The following COL6A5 variants were observed in gnomAD, a reference collection of about 807,000 sequenced individuals.
COL6A5 encodes collagen type VI alpha 5 chain.
Under a neutral mutation model 65.6 loss-of-function variants are expected in COL6A5, and 48 were observed. That is an observed-to-expected ratio of 0.73 (90% CI 0.58 to 0.93). The LOEUF is 0.93. Ranked by LOEUF, COL6A5 falls within the 40% of genes least tolerant of loss-of-function variation. The probability of loss-of-function intolerance (pLI) is 0.00; values close to 1 mark genes in which losing one functional copy is unlikely to be tolerated. For missense variants in COL6A5, 914 were observed against 928.3 expected (o/e 0.98, Z 0.20); for synonymous variants, 291 against 322.8 (o/e 0.90, Z 1.05).
chr3:130,402,538 G>A (rs1347502794), intron 12 of COL6A5, among the ~76,000 whole-genome samples: 8 of 152,168 alleles, frequency 5.3e-5, no homozygotes, highest in Admixed American at 5.2e-4. Flanking sequence ...AATGCATGTG[G>A]TAAAATTCCA....
chr3:130,448,354 G>C (rs564071906), intron 4 of COL6A5, among the ~76,000 whole-genome samples: 2 of 152,258 alleles, frequency 1.3e-5, no homozygotes, highest in African/African-American at 4.8e-5. Flanking sequence ...CTGGGGCTGC[G>C]GAGGTCGGAA....
chr3:130,409,452 C>A, intron 18 of COL6A5, 64 bp downstream of exon 18: 1 of 1,373,354 alleles, frequency 7.3e-7, no homozygotes, highest in Non-Finnish European at 9.9e-7. Flanking sequence ...TATCTCCTTT[C>A]CCTTTGTGTT....
rs538607442 is a variant in COL6A5 at position 130,447,211 on chromosome 3, C to G, written c.1332+3645C>G. Among the ~76,000 whole-genome samples, 5 of 152,196 alleles carry G rather than the reference C, an allele frequency of 3.3e-5. 1 individual carries two copies. In the East Asian group the frequency reaches 9.7e-4, roughly 29 times the overall value. ...TTTTTTAACATGGGTCATGCCTTCC[C>G]CTGTTTGGCAAGTAGCCCAGATAAA... On this transcript the variant is annotated intron_variant, in intron 4 of 7. Transcript: ENST00000512836.
At chr3:130,397,020 A>G (rs1475560680) in intron 8 of COL6A5, among the ~76,000 whole-genome samples, 2 of 151,724 alleles carry the variant, frequency 1.3e-5, no homozygotes, top group African/African-American at 2.4e-5. Flanking sequence ...CCGCCACCAC[A>G]CCTGGCTAAT....
At chr3:130,464,819 T>G (rs900957321) in intron 5 of COL6A5, among the ~76,000 whole-genome samples, 2 of 152,062 alleles carry the variant, frequency 1.3e-5, no homozygotes, top group Admixed American at 1.3e-4. Context: ...GCTTGTGTGA[T>G]GCAAAATCCT....
At chr3:130,444,519 A>C (rs1189828337) in intron 4 of COL6A5, among the ~76,000 whole-genome samples, 2 of 152,178 alleles carry the variant, frequency 1.3e-5, no homozygotes, top group Admixed American at 6.6e-5. Context: ...CCATGGCTTC[A>C]GCCGGTCCCT....
At chr3:130,357,072 A>C (rs1225229054) in intron 1 of COL6A5, among the ~76,000 whole-genome samples, 3 of 152,208 alleles carry the variant, frequency 2.0e-5, no homozygotes, top group Non-Finnish European at 4.4e-5. Context: ...CACAGTAAAC[A>C]GTATAATTTA....
chr3:130,401,056 C>T lies in COL6A5; in HGVS notation c.4017C>T (p.Ser1339=), dbSNP rs1212037911. The T allele has an allele frequency of 2.6e-6, 4 of 1,550,228 alleles. No homozygotes were observed. In the African/African-American group the frequency reaches 5.5e-5, roughly 21 times the overall value. ...GACTTGATGCTCTGCTGGTAGTGTCCCTTAACACAACTGCTCATCATGAGT... is the reference window on the plus strand; with the variant it reads ...GACTTGATGCTCTGCTGGTAGTGTCTCTTAACACAACTGCTCATCATGAGT... Residue 1339 remains serine, a synonymous_variant and NMD_transcript_variant, in exon 11 of 42, where the codon TCC becomes TCT. Coordinates refer to the COL6A5 transcript ENST00000312481.
chr3:130,404,325 C>G (rs1170329869), intron 13 of COL6A5, among the ~76,000 whole-genome samples: 1 of 152,196 alleles, frequency 6.6e-6, no homozygotes, highest in Non-Finnish European at 1.5e-5. Context: ...AGCATCCAGA[C>G]TGGATTTCTA....
chr3:130,359,151 A>G (rs769359637), intron 1 of COL6A5, among the ~76,000 whole-genome samples: 2 of 152,184 alleles, frequency 1.3e-5, no homozygotes, highest in African/African-American at 2.4e-5. Context: ...TTGACAGTTA[A>G]TATGATTATT....
At chr3:130,386,077 C>T (rs1297650895) in intron 5 of COL6A5, among the ~76,000 whole-genome samples, 1 of 151,954 alleles carries the variant, frequency 6.6e-6, no homozygotes, top group Non-Finnish European at 1.5e-5. Flanking sequence ...TGGCCACTTA[C>T]ACCACTTACT....
chr3:130,457,712 G>C (rs1203276318), intron 5 of COL6A5, among the ~76,000 whole-genome samples: 1 of 152,108 alleles, frequency 6.6e-6, no homozygotes, highest in Non-Finnish European at 1.5e-5. Context: ...CAGATCATAA[G>C]TGTTTTCTAG....
At chr3:130,415,751 A>G in intron 23 of COL6A5, 44 bp downstream of exon 23, 2 of 1,438,180 alleles carry the variant, frequency 1.4e-6, no homozygotes, top group Non-Finnish European at 1.9e-6. Flanking sequence ...CTCAACAGTT[A>G]TTTTCCTCTT....
At chr3:130,383,550 T>C (rs1038130578) in intron 4 of COL6A5, among the ~76,000 whole-genome samples, 2 of 152,080 alleles carry the variant, frequency 1.3e-5, no homozygotes, top group African/African-American at 4.8e-5. Flanking sequence ...TAACCGCTTA[T>C]CTTTGCCCTA....
intron 1 of COL6A5, among the ~76,000 whole-genome samples, chr3:130,365,372 G>C (rs1022052646): frequency 6.6e-6 from 1 of 152,162 alleles, no homozygotes; most frequent in Non-Finnish European, 1.5e-5. Context: ...CCGCCTCCCG[G>C]GTTCACGCTA....
intron 6 of COL6A5, among the ~76,000 whole-genome samples, chr3:130,389,385 A>G (rs891040042): frequency 2.6e-5 from 4 of 152,132 alleles, no homozygotes; most frequent in African/African-American, 7.2e-5. Flanking sequence ...CCAGAATTTT[A>G]CTTTAAACTT....
At chr3:130,361,806 T>C (rs1367532950) in intron 1 of COL6A5, among the ~76,000 whole-genome samples, 3 of 152,130 alleles carry the variant, frequency 2.0e-5, no homozygotes, top group African/African-American at 7.2e-5. Flanking sequence ...CTCTTTTAAT[T>C]TGCAATTCCG....
chr3:130,347,320 G>T (rs1384874816), intron 1 of COL6A5, among the ~76,000 whole-genome samples: 3 of 151,728 alleles, frequency 2.0e-5, no homozygotes, highest in Non-Finnish European at 4.4e-5. Context: ...TTATTAATAT[G>T]TTAAAGCATA....
At chr3:130,471,980 T>C in intron 7 of COL6A5, 54 bp downstream of exon 40, 1 of 1,478,058 alleles carries the variant, frequency 6.8e-7, no homozygotes, top group East Asian at 2.5e-5. Context: ...GTTTGGATTT[T>C]CCCCTGGTGG....
Sources: gnomAD v4.1 joint callset for allele counts (sites outside exome capture counted in the v4.1 genomes callset) on GRCh38, gnomAD v4.1.1 for gene constraint, MANE v1.5 for transcripts, NCBI Gene and HGNC (gene_info 2026-07-23, HGNC 2026-07-21) for gene names.